IBTK: variants seen among roughly 807,000 people sequenced by gnomAD.
IBTK encodes the protein inhibitor of Bruton tyrosine kinase, also known as BTK-binding protein.
In IBTK, 83 loss-of-function variants were observed where a neutral mutation model predicts 154.9. The ratio of observed to expected loss-of-function variants is 0.54; its 90% CI spans 0.45 to 0.64. The LOEUF is 0.64. Among genes scored for constraint, IBTK ranks in the 30% least tolerant of loss-of-function variants. The pLI, the probability that IBTK is intolerant of heterozygous loss-of-function variation, is 0.00. For synonymous variants in IBTK, 515 were observed against 536.1 expected (o/e 0.96, Z 0.54); for missense variants, 1,332 against 1,584.6 (o/e 0.84, Z 2.71).
intron 9 of IBTK, among the ~76,000 whole-genome samples, chr6:82,219,619 A>T (rs1272825957): frequency 7.5e-6 from 1 of 134,224 alleles, no homozygotes; most frequent in Non-Finnish European, 1.5e-5. Context: ...TATATAATAT[A>T]TAAATACATT....
At chr6:82,195,451 G>T (rs766125958) in intron 22 of IBTK, among the ~76,000 whole-genome samples, 23 of 151,824 alleles carry the variant, frequency 1.5e-4, no homozygotes, top group Non-Finnish European at 2.8e-4. Context: ...GATGGTGCGT[G>T]CTTATAATCC....
intron 27 of IBTK, 40 bp from the exon 28 acceptor site, chr6:82,172,552 A>C: frequency 6.4e-7 from 1 of 1,572,274 alleles, no homozygotes; most frequent in Middle Eastern, 1.9e-4. Context: ...CATCTTCCTA[A>C]ATTTTTGCAT....
chr6:82,243,914 T>C (rs1215370348), intron 1 of IBTK, among the ~76,000 whole-genome samples: 3 of 152,140 alleles, frequency 2.0e-5, no homozygotes, highest in Non-Finnish European at 4.4e-5. Flanking sequence ...AAAAGAATGT[T>C]AAAAAGTCAT....
intron 10 of IBTK, among the ~76,000 whole-genome samples, chr6:82,217,657 A>G (rs1769921039): frequency 6.6e-6 from 1 of 152,196 alleles, no homozygotes; most frequent in South Asian, 2.1e-4. Flanking sequence ...TTTTCTGAGT[A>G]ATTATAAACA....
chr6:82,220,755 A>C (rs1770067729), intron 8 of IBTK, 42 bp from the exon 9 acceptor site: 2 of 1,451,218 alleles, frequency 1.4e-6, no homozygotes, highest in Non-Finnish European at 1.8e-6. Context: ...TATGTTCTCT[A>C]AACTACACAT....
At chr6:82,246,441 C>CTTTTT (rs1554189129) in intron 1 of IBTK, among the ~76,000 whole-genome samples, 8 of 111,680 alleles carry the variant, frequency 7.2e-5, no homozygotes, top group Admixed American at 2.0e-4. Context: ...TTACAGGCAT[C>CTTTTT]TTTTTTTTTT....
intron 1 of IBTK, among the ~76,000 whole-genome samples, chr6:82,242,369 C>CA (rs58265425): frequency 2.5e-3 from 341 of 134,868 alleles, no homozygotes; most frequent in Middle Eastern, 3.8e-3. Context: ...AACTCTGTAT[C>CA]AAAAAAAAAA....
chr6:82,216,523 C>T (rs1769881108), intron 10 of IBTK, among the ~76,000 whole-genome samples: 1 of 152,152 alleles, frequency 6.6e-6, no homozygotes, highest in Non-Finnish European at 1.5e-5. Flanking sequence ...ACCAAAGTTC[C>T]CTTTCTAAAA....
chr6:82,201,365 T>C, intron 19 of IBTK, 57 bp downstream of exon 19: 1 of 1,234,632 alleles, frequency 8.1e-7, no homozygotes. Flanking sequence ...TCTGATCTAA[T>C]ATACTGCTTA....
chr6:82,173,994 G>C (rs1333395889), intron 26 of IBTK, among the ~76,000 whole-genome samples: 2 of 152,012 alleles, frequency 1.3e-5, no homozygotes, highest in African/African-American at 4.8e-5. Flanking sequence ...ATAAAAAAGA[G>C]GTATATGATG....
chr6:82,233,711 G>GTTTTTTT (rs375746607), intron 3 of IBTK, among the ~76,000 whole-genome samples: 28 of 122,836 alleles, frequency 2.3e-4, no homozygotes, highest in East Asian at 4.9e-4. Context: ...CATTTGTAAA[G>GTTTTTTT]TTTTTTTTTT....
intron 2 of IBTK, among the ~76,000 whole-genome samples, chr6:82,237,450 G>C (rs66688199): frequency 6.7e-5 from 10 of 150,186 alleles, no homozygotes; most frequent in African/African-American, 2.4e-4. Flanking sequence ...CCCTGGGGGG[G>C]AAAAAAAAAG....
chr6:82,215,658 G>A (rs1411686152), intron 11 of IBTK, among the ~76,000 whole-genome samples: 1 of 151,522 alleles, frequency 6.6e-6, no homozygotes. Flanking sequence ...GTGGTGGCGG[G>A]CACCTGTAAT....
At chr6:82,210,723 T>C (rs1237769706) in intron 16 of IBTK, 91 bp downstream of exon 16, 7 of 512,382 alleles carry the variant, frequency 1.4e-5, no homozygotes, top group African/African-American at 4.0e-5. Flanking sequence ...TTATTGATGG[T>C]TTTTTTCTAT....
intron 26 of IBTK, among the ~76,000 whole-genome samples, chr6:82,177,048 C>T (rs1768148388): frequency 6.6e-6 from 1 of 152,110 alleles, no homozygotes; most frequent in Non-Finnish European, 1.5e-5. Context: ...TGCTTATGAA[C>T]TGACCCAGCT....
At chr6:82,173,206 T>C (rs1582173701) in intron 27 of IBTK, 161 bp downstream of exon 27, 1 of 464,300 alleles carries the variant, frequency 2.2e-6, no homozygotes, top group South Asian at 4.8e-5. Context: ...TTTGCCATGT[T>C]GGCTAGGCTG....
At chr6:82,233,278 G>A (rs897431800) in intron 3 of IBTK, among the ~76,000 whole-genome samples, 6 of 152,014 alleles carry the variant, frequency 3.9e-5, no homozygotes, top group Non-Finnish European at 7.4e-5. Context: ...AATGAGCCGT[G>A]TTCTTGCCAC....
intron 2 of IBTK, among the ~76,000 whole-genome samples, chr6:82,237,443 TG>T (rs375553046): frequency 6.3e-4 from 95 of 151,418 alleles, no homozygotes; most frequent in African/African-American, 1.3e-3. Flanking sequence ...GGATAGTCCC[TG>T]GGGGGGAAAA....
chr6:82,224,776 C>T (rs1037531000), intron 6 of IBTK, among the ~76,000 whole-genome samples: 1 of 152,198 alleles, frequency 6.6e-6, no homozygotes, highest in South Asian at 2.1e-4. Flanking sequence ...TCTCTGAGTT[C>T]CTCACTTGCA....
Sources: gnomAD v4.1 joint callset for allele counts (sites outside exome capture counted in the v4.1 genomes callset) on GRCh38, gnomAD v4.1.1 for gene constraint, MANE v1.5 for transcripts, NCBI Gene and HGNC (gene_info 2026-07-23, HGNC 2026-07-21) for gene names.